The following RYR2 variants were observed in gnomAD, a reference collection of about 807,000 sequenced individuals.
RYR2 encodes the protein ryanodine receptor 2, also known as cardiac muscle ryanodine receptor-calcium release channel.
In RYR2, 227 loss-of-function variants were observed where a neutral mutation model predicts 601.1. The ratio of observed to expected loss-of-function variants is 0.38; its 90% CI spans 0.34 to 0.42. The LOEUF is 0.42. RYR2 is among the 10% of genes least tolerant of loss of function. The pLI, the probability that RYR2 is intolerant of heterozygous loss-of-function variation, is 1.00. For missense variants in RYR2, 4,646 were observed against 6,156.5 expected (o/e 0.75, Z 8.21); for synonymous variants, 2,223 against 2,175.1 (o/e 1.02, Z -0.61).
chr1:237,284,515 A>ATATATAATATGTAAATATATATAATAT (rs1553380520), intron 2 of RYR2, among the ~76,000 whole-genome samples: 6 of 132,966 alleles, frequency 4.5e-5, no homozygotes, highest in Non-Finnish European at 6.2e-5. Context: ...AAATATATAT[A>ATATATAATATGTAAATATATATAATAT]ATATATGTAT....
rs988526471 is a variant in RYR2, at chr1:237,180,845, AAAGT to A, written c.49-89650_49-89647del. Among the ~76,000 whole-genome samples, 2 of 148,078 alleles carry A rather than the reference AAAGT, an allele frequency of 1.4e-5. No individual in the cohort carries two copies. The highest frequency in any genetic ancestry group is 4.9e-5 in the African/African-American group (2 of 40,784). On this transcript the variant is annotated intron_variant, in intron 1 of 104. Transcript: ENST00000366574. This position sits in a 1 kb window ranked among gnomAD's most constrained non-coding sequence, Gnocchi z 5.3. Reference sequence around the variant, plus strand: ...CATGTAAATATATATCAATATTAATAAAGTATATATTTATACTAATTAAATATAT... The same window carrying A: ...CATGTAAATATATATCAATATTAATAATATATTTATACTAATTAAATATAT...
chr1:237,559,840 G>A (rs765086622), intron 27 of RYR2, among the ~76,000 whole-genome samples: 4 of 152,104 alleles, frequency 2.6e-5, no homozygotes, highest in South Asian at 2.1e-4. Context: ...TGCTTTCTTG[G>A]TAATTTTTCT....
chr1:237,612,453 TAAAAC>T (rs1677988449), intron 36 of RYR2, among the ~76,000 whole-genome samples: 1 of 152,178 alleles, frequency 6.6e-6, no homozygotes, highest in Non-Finnish European at 1.5e-5. Flanking sequence ...AAAGATATTT[TAAAAC>T]AAAAGAAAAT....
chr1:237,822,999 A>G (rs1405178009), intron 101 of RYR2, among the ~76,000 whole-genome samples: 3 of 152,334 alleles, frequency 2.0e-5, no homozygotes, highest in African/African-American at 7.2e-5. Flanking sequence ...CTAAATATAT[A>G]TGCACCCAAT....
rs140988296 is a variant in RYR2 at position 237,830,668 on chromosome 1, T to C, written c.14756+38T>C. Reference sequence around the variant, plus strand: ...GTTTCAGAATCTTCCACCTCTCCAGTAGACGCCACTGGTCCCTGCCCATCT... The same window carrying C: ...GTTTCAGAATCTTCCACCTCTCCAGCAGACGCCACTGGTCCCTGCCCATCT... On this transcript the variant is annotated intron_variant, in intron 103 of 104. Coordinates refer to ENST00000366574, the MANE Select transcript of RYR2 (RefSeq NM_001035.3). 1,615 of 1,006,480 alleles carry C rather than the reference T, an allele frequency of 1.6e-3. 19 individuals are homozygous for C. In the African/African-American group the frequency reaches 0.017, roughly 10 times the overall value. 62.3% of individuals were successfully genotyped at this position (1,006,480 alleles called of 1,614,324 possible).
intron 27 of RYR2, among the ~76,000 whole-genome samples, chr1:237,559,992 G>A (rs1671291386): frequency 6.6e-6 from 1 of 152,188 alleles, no homozygotes; most frequent in Non-Finnish European, 1.5e-5. Context: ...TTTACCAAAG[G>A]AGAGGCAATG....
intron 78 of RYR2, among the ~76,000 whole-genome samples, chr1:237,733,201 T>G (rs1424425878): frequency 6.6e-6 from 1 of 152,228 alleles, no homozygotes; most frequent in Non-Finnish European, 1.5e-5. Context: ...GAAACTTTTC[T>G]TCACGTAGTC....
At chr1:237,651,986 G>A (rs1252332325) in intron 51 of RYR2, among the ~76,000 whole-genome samples, 2 of 151,930 alleles carry the variant, frequency 1.3e-5, no homozygotes, top group Non-Finnish European at 2.9e-5. Flanking sequence ...GCAGTGAGCC[G>A]AGATCGCACC....
chr1:237,617,887 C>T (rs375861506), intron 38 of RYR2, among the ~76,000 whole-genome samples: 2 of 152,112 alleles, frequency 1.3e-5, no homozygotes, highest in Non-Finnish European at 2.9e-5. Context: ...CCTTGCTTGC[C>T]GGAAGACTGA....
In RYR2 at chr1:237,125,139, T is replaced by G. The variant is rs1361976564; in HGVS notation, c.48+82570T>G. 4.6e-5 allele frequency among the ~76,000 whole-genome samples: 7 copies of G among 152,074 alleles called. No individual in the cohort carries two copies. In the East Asian group the frequency reaches 1.3e-3, roughly 29 times the overall value. ...TGCCAGAAAGAGGGTAACAATGAGT[T>G]TTGAATAAAGAGCCGAGAAGTATCT... On this transcript the variant is annotated intron_variant, in intron 1 of 104. Transcript: ENST00000366574.
At chr1:237,465,370 TATATA>T (rs568480734) in intron 16 of RYR2, among the ~76,000 whole-genome samples, 3 of 152,122 alleles carry the variant, frequency 2.0e-5, no homozygotes, top group Middle Eastern at 6.8e-3. Context: ...TATATAAACT[TATATA>T]ATATTTTTGG....
chr1:237,447,109 G>A (rs1657452857), intron 14 of RYR2, among the ~76,000 whole-genome samples: 1 of 152,112 alleles, frequency 6.6e-6, no homozygotes, highest in African/African-American at 2.4e-5. Flanking sequence ...AAATATGAGG[G>A]ACTTTTTAAA....
At chr1:237,187,849 T>C (rs983372902) in intron 1 of RYR2, among the ~76,000 whole-genome samples, 1 of 152,232 alleles carries the variant, frequency 6.6e-6, no homozygotes, top group Non-Finnish European at 1.5e-5. Flanking sequence ...AGAACCTAAG[T>C]ACACCTTTTA....
At chr1:237,158,473 A>G (rs1009422666) in intron 1 of RYR2, among the ~76,000 whole-genome samples, 2 of 152,188 alleles carry the variant, frequency 1.3e-5, no homozygotes, top group Admixed American at 1.3e-4. Flanking sequence ...GCTTTGAAGG[A>G]GGAAATTGGT....
intron 1 of RYR2, among the ~76,000 whole-genome samples, chr1:237,092,576 C>G (rs1321794137): frequency 2.1e-5 from 3 of 145,572 alleles, no homozygotes; most frequent in African/African-American, 7.7e-5. Context: ...GTTGCCCAGG[C>G]TGGAGTGCCG....
At chr1:237,176,904 A>G (rs912076297) in intron 1 of RYR2, among the ~76,000 whole-genome samples, 3 of 152,220 alleles carry the variant, frequency 2.0e-5, no homozygotes, top group African/African-American at 4.8e-5. Flanking sequence ...AAAACTGTGT[A>G]TCTACAACAA....
chr1:237,053,590 C>T lies in RYR2; in HGVS notation c.48+11021C>T, dbSNP rs187306711. Among the ~76,000 whole-genome samples, 99 of 152,328 alleles carry T rather than the reference C, an allele frequency of 6.5e-4. 1 individual carries two copies. In the Middle Eastern group the frequency reaches 0.017, roughly 26 times the overall value. On this transcript the variant is annotated intron_variant, in intron 1 of 104. Coordinates refer to ENST00000366574, the MANE Select transcript of RYR2 (RefSeq NM_001035.3). Reference sequence around the variant, plus strand: ...ACAATTGTGATTTCACCTCTTCCTGCGCCAGCGCCCGGTCTCTTCTCCTTC... The same window carrying T: ...ACAATTGTGATTTCACCTCTTCCTGTGCCAGCGCCCGGTCTCTTCTCCTTC...
chr1:237,507,772 ATAGC>A (rs1461246500), intron 23 of RYR2, among the ~76,000 whole-genome samples: 3 of 152,254 alleles, frequency 2.0e-5, no homozygotes, highest in African/African-American at 7.2e-5. Context: ...CAGGCATCAC[ATAGC>A]TAGTGAGTAG....
At chr1:237,559,803 G>C (rs1184041163) in intron 27 of RYR2, among the ~76,000 whole-genome samples, 9 of 152,224 alleles carry the variant, frequency 5.9e-5, no homozygotes, top group Non-Finnish European at 1.2e-4. Flanking sequence ...TTCAGATTTT[G>C]TTGTTGTGCT....
Sources: gnomAD v4.1 joint callset for allele counts (sites outside exome capture counted in the v4.1 genomes callset) on GRCh38, gnomAD v4.1.1 for gene constraint, Gnocchi (gnomAD v3.1) non-coding constraint, MANE v1.5 for transcripts, NCBI Gene and HGNC (gene_info 2026-07-23, HGNC 2026-07-21) for gene names.